Variants in SLX4 observed in about 807,000 individuals in gnomAD.
SLX4 encodes the protein structure-specific endonuclease subunit SLX4.
Under a neutral mutation model 146.2 loss-of-function variants are expected in SLX4, and 112 were observed. That is an observed-to-expected ratio of 0.77 (90% confidence interval 0.66 to 0.90). SLX4 has a LOEUF of 0.90. Among genes scored for constraint, SLX4 ranks in the 40% least tolerant of loss-of-function variants. SLX4 has a pLI of 0.00. For synonymous variants in SLX4, 1,061 were observed against 997.7 expected (o/e 1.06, Z -1.20); for missense variants, 2,563 against 2,392.7 (o/e 1.07, Z -1.49).
At chr16:3,608,289 T>G in intron 2 of SLX4, 141 bp downstream of exon 2, 1 of 880,536 alleles carries the variant, frequency 1.1e-6, no homozygotes, top group Non-Finnish European at 1.9e-6. Flanking sequence ...CATTTACATA[T>G]TGTCCACGCC....
At position 3,592,688 on chromosome 16, in the gene SLX4, G is replaced by C; in HGVS notation, c.2327+11C>G. 4 of 1,611,814 alleles carry C rather than the reference G, an allele frequency of 2.5e-6. No individual in the cohort carries two copies. The highest frequency in any genetic ancestry group is 3.4e-6 in the Non-Finnish European group (4 of 1,179,410). ...GTCAGTTAATTTCAAAAGCTGGGGA[G>C]CAATCCAGACCTGTGGGCCAGGGAG... On this transcript the variant is annotated intron_variant, in intron 11 of 14. Coordinates refer to ENST00000294008, the MANE Select transcript of SLX4 (RefSeq NM_032444.4).
intron 12 of SLX4, among the ~76,000 whole-genome samples, chr16:3,585,775 G>C (rs1307747044): frequency 7.2e-6 from 1 of 139,676 alleles, no homozygotes; most frequent in South Asian, 2.3e-4. Context: ...GAGGGTTTGG[G>C]CAAAATGGCA....
chr16:3,605,677 G>C (rs2040773721), intron 3 of SLX4, among the ~76,000 whole-genome samples: 1 of 152,070 alleles, frequency 6.6e-6, no homozygotes, highest in Admixed American at 6.5e-5. Flanking sequence ...GCCAGGCACA[G>C]TGGCTCACGC....
chr16:3,589,832 C>A lies in SLX4; in HGVS notation c.3806G>T (p.Cys1269Phe). The A allele has an allele frequency of 6.2e-7, 1 of 1,613,462 alleles. No individual in the cohort carries two copies. The highest frequency in any genetic ancestry group is 8.5e-7 in the Non-Finnish European group (1 of 1,180,036). The change falls in exon 12 of 15, where the codon TGT becomes TTT. Residue 1269 changes from cysteine to phenylalanine, a missense_variant. By Grantham distance (205) the Cys-to-Phe change is radical. Transcript: ENST00000294008. This position sits in a 1 kb window ranked among gnomAD's most constrained non-coding sequence, Gnocchi z 6.2. ...GCTGCTGATTTGGGTCTGGGAAGAACAGTCACGGCTTCTGCTGGCCAGCGG... is the reference window on the plus strand; with the variant it reads ...GCTGCTGATTTGGGTCTGGGAAGAAAAGTCACGGCTTCTGCTGGCCAGCGG... ...ATPLASRSRDCSSQTQISSLR... is the reference protein window; with the variant it reads ...ATPLASRSRDFSSQTQISSLR...
chr16:3,589,063 A>G lies in SLX4; in HGVS notation c.4575T>C (p.Pro1525=). ...CAGCGCTTGGCATCTGGGCCGGAGG[A>G]GGGGTCTCTGGAGGCCTCTGCTCTT... ...DGEEQRPPET[P]PPAQMPSAGG... is the part of the protein sequence containing the mutation. Residue 1525 remains proline, a synonymous_variant, in exon 12 of 15, where the codon CCT becomes CCC. Transcript: ENST00000294008. The surrounding 1 kb of genome is among the most constrained non-coding windows in gnomAD (Gnocchi z 6.2). 6.2e-7 allele frequency: 1 copy of G among 1,614,068 alleles called. No individual in the cohort carries two copies. Among genetic ancestry groups the G allele is most frequent in the Non-Finnish European group, 8.5e-7 (1 of 1,180,024 alleles).
In SLX4 at chr16:3,589,914, C is replaced by A. The variant is rs770687847; in HGVS notation, c.3724G>T (p.Glu1242Ter). 1 of 1,613,936 alleles carries A rather than the reference C, an allele frequency of 6.2e-7. No individual in the cohort carries two copies. The highest frequency in any genetic ancestry group is 1.7e-5 in the Admixed American group (1 of 60,004). The change falls in exon 12 of 15, where the codon GAG (glutamate) becomes TAG (stop). Residue 1242 changes from glutamate to a stop codon, truncating the protein, a stop_gained. Transcript: ENST00000294008. LOFTEE classifies it high-confidence loss of function. The surrounding 1 kb of genome is among the most constrained non-coding windows in gnomAD (Gnocchi z 6.2). ...RGAPWLFCDR[E>*]SSPSEASTTD... ...GTGCTGGCCTCGCTGGGGCTGCTCT[C>A]ACGGTCACAGAACAGCCAGGGAGCC...
chr16:3,591,271 C>G lies in SLX4; in HGVS notation c.2367G>C (p.Val789=). The G allele has an allele frequency of 6.2e-7, 1 of 1,612,540 alleles. No individual in the cohort carries two copies. Among genetic ancestry groups the G allele is most frequent in the East Asian group, 2.2e-5 (1 of 44,882 alleles). Residue 789 remains valine (V), a synonymous_variant, in exon 12 of 15, where the codon GTG becomes GTC. Transcript: ENST00000294008. The stretch of plus-strand genomic sequence containing the variant: ...TGCCCTCTGAGTCAGTGGCAATAGG[C>G]ACCTGTTCGCACAGGTGAACGAGCT... ...VSELVHLCEQ[V]PIATDSEGKP...
Position 3,609,372 on chromosome 16 carries a change from C to T in SLX4, c.-408G>A, listed in dbSNP as rs1177247764. ...GCAGTGAGCCGAGATCGTGCCACTGCACTCTAACCTGGGCAACAAGAGCAA... is the reference window on the plus strand; with the variant it reads ...GCAGTGAGCCGAGATCGTGCCACTGTACTCTAACCTGGGCAACAAGAGCAA... On this transcript the variant is annotated 5_prime_UTR_variant, in exon 2 of 15. Coordinates refer to ENST00000294008, the MANE Select transcript of SLX4 (RefSeq NM_032444.4). The T allele has an allele frequency of 1.1e-5, 2 of 189,420 alleles. No homozygotes were observed. The highest frequency in any genetic ancestry group is 2.3e-5 in the Non-Finnish European group (2 of 88,470). The allele number at this position is 189,420 out of a possible 1,614,324, so 11.7% of individuals were successfully genotyped here.
intron 7 of SLX4, 71 bp from the exon 8 acceptor site, chr16:3,596,464 C>T: frequency 2.7e-6 from 4 of 1,499,348 alleles, no homozygotes; most frequent in Middle Eastern, 1.8e-4. Flanking sequence ...GAAGCCATCA[C>T]ATGTGGTATG....
chr16:3,609,597 T>TG (rs1409446403), intron 1 of SLX4, 31 bp from the exon 2 acceptor site: 1 of 152,966 alleles, frequency 6.5e-6, no homozygotes, highest in African/African-American at 2.4e-5. Context: ...GTAAGTGTAA[T>TG]CAGACATTGT....
chr16:3,582,857 G>A (rs952836753), intron 14 of SLX4, among the ~76,000 whole-genome samples, 164 bp from the exon 15 acceptor site: 9 of 152,316 alleles, frequency 5.9e-5, no homozygotes, highest in African/African-American at 7.2e-5. Context: ...TGCAGGCTAC[G>A]CCAGCGGGAT....
intron 5 of SLX4, among the ~76,000 whole-genome samples, chr16:3,598,416 C>T (rs867992888): frequency 4.6e-5 from 7 of 152,348 alleles, no homozygotes; most frequent in South Asian, 4.1e-4. Context: ...AAAAGGATCC[C>T]TTCCCTCCTG....
intron 2 of SLX4, among the ~76,000 whole-genome samples, chr16:3,607,336 C>T (rs909190284): frequency 2.6e-5 from 4 of 152,110 alleles, no homozygotes; most frequent in South Asian, 2.1e-4. Flanking sequence ...GACTCTACCA[C>T]CACTCTACTG....
intron 10 of SLX4, 42 bp from the exon 11 acceptor site, chr16:3,592,907 G>A (rs1487534034): frequency 6.3e-7 from 1 of 1,581,516 alleles, no homozygotes; most frequent in Non-Finnish European, 8.6e-7. Flanking sequence ...TGATCAGAGA[G>A]TTGTAACTTG....
rs2040644565 is a variant in SLX4, at chr16:3,595,712, G to A, written c.1925-19C>T. 6.2e-7 allele frequency: 1 copy of A among 1,613,438 alleles called. No homozygotes were observed. The highest frequency in any genetic ancestry group is 1.7e-5 in the Admixed American group (1 of 60,004). On this transcript the variant is annotated intron_variant, in intron 8 of 14. Transcript: ENST00000294008. ...TCCAACCCTGAGTGGAGGATTCACAGGTTAAAGGAACGTCACAGCCCAGCC... is the reference window on the plus strand; with the variant it reads ...TCCAACCCTGAGTGGAGGATTCACAAGTTAAAGGAACGTCACAGCCCAGCC...
At chr16:3,594,766 G>A (rs1254445110) in intron 9 of SLX4, among the ~76,000 whole-genome samples, 167 bp from the exon 10 acceptor site, 1 of 152,222 alleles carries the variant, frequency 6.6e-6, no homozygotes, top group African/African-American at 2.4e-5. Flanking sequence ...ACCTCTGAGT[G>A]ACCCTAAGGC....
rs947916262 is a variant in SLX4 at position 3,609,175 on chromosome 16, G to C, written c.-211C>G. ...TCCCAGCTCTTTTGGAGGACGAGGC[G>C]GGGGGTGGATCACCTGAGGTCAGAA... On this transcript the variant is annotated 5_prime_UTR_variant, in exon 2 of 15. Coordinates refer to ENST00000294008, the MANE Select transcript of SLX4 (RefSeq NM_032444.4). 25 of 524,644 alleles carry C rather than the reference G, an allele frequency of 4.8e-5. No homozygotes were observed. Among genetic ancestry groups the C allele is most frequent in the South Asian group, 3.7e-4 (18 of 48,492 alleles). 32.5% of individuals were successfully genotyped at this position (524,644 alleles called of 1,614,324 possible). A position where few individuals can be genotyped will look rare whatever the true frequency, so the allele number is the denominator to read the frequency against.
chr16:3,592,387 G>C (rs2040603212), intron 11 of SLX4, among the ~76,000 whole-genome samples: 1 of 152,234 alleles, frequency 6.6e-6, no homozygotes, highest in African/African-American at 2.4e-5. Flanking sequence ...TCACTGAGCA[G>C]CAGTGTTGGG....
At chr16:3,605,470 G>T (rs1397110045) in intron 3 of SLX4, among the ~76,000 whole-genome samples, 1 of 151,982 alleles carries the variant, frequency 6.6e-6, no homozygotes, top group Non-Finnish European at 1.5e-5. Context: ...TAGTCCTCCT[G>T]CCTTGGCCTC....
Sources: gnomAD v4.1 joint callset for allele counts (sites outside exome capture counted in the v4.1 genomes callset) on GRCh38, gnomAD v4.1.1 for gene constraint, Gnocchi (gnomAD v3.1) non-coding constraint, MANE v1.5 for transcripts, NCBI Gene and HGNC (gene_info 2026-07-23, HGNC 2026-07-21) for gene names.